Variants in RIPOR2 observed in about 807,000 individuals in gnomAD.
RIPOR2 encodes the protein rho family-interacting cell polarization regulator 2.
Under a neutral mutation model 114.5 loss-of-function variants are expected in RIPOR2, and 39 were observed. The observed-to-expected ratio is 0.34, with a 90% CI of 0.26 to 0.44. The LOEUF (loss-of-function observed/expected upper bound fraction) is 0.44. Ranked by LOEUF, RIPOR2 falls within the 20% of genes least tolerant of loss-of-function variation. RIPOR2 has a pLI of 1.00. For missense variants in RIPOR2, 1,007 were observed against 1,255.1 expected (o/e 0.80, Z 2.99); for synonymous variants, 445 against 484.4 (o/e 0.92, Z 1.07).
chr6:24,874,981 A>G (rs1025226299), intron 2 of RIPOR2, among the ~76,000 whole-genome samples: 1 of 152,226 alleles, frequency 6.6e-6, no homozygotes, highest in African/African-American at 2.4e-5. Flanking sequence ...TAGGAGATGC[A>G]GAGGCTAGGC....
chr6:24,897,483 G>C (rs1458111071), intron 1 of RIPOR2, among the ~76,000 whole-genome samples: 1 of 152,170 alleles, frequency 6.6e-6, no homozygotes, highest in East Asian at 1.9e-4. Context: ...TTGGATTCCG[G>C]ATTACACTGT....
chr6:24,909,889 T>G (rs74785069), intron 1 of RIPOR2, among the ~76,000 whole-genome samples: 12 of 152,268 alleles, frequency 7.9e-5, no homozygotes, highest in African/African-American at 2.6e-4. Flanking sequence ...CCCAGCAGAA[T>G]CAGCCCGGTT....
At chr6:24,896,969 C>A (rs1414235768) in intron 1 of RIPOR2, among the ~76,000 whole-genome samples, 1 of 152,142 alleles carries the variant, frequency 6.6e-6, no homozygotes, top group African/African-American at 2.4e-5. Context: ...GGGTATTTTA[C>A]CACCAGAAGG....
chr6:24,873,760 C>T lies in RIPOR2; in HGVS notation c.228G>A (p.Lys76=), dbSNP rs374087136. The T allele has an allele frequency of 6.2e-6, 10 of 1,612,852 alleles. No individual in the cohort carries two copies. The East Asian group carries it at 8.9e-5, about 14-fold the overall frequency. The change falls in exon 3 of 22, where the codon AAG becomes AAA. Residue 76 remains lysine, a synonymous_variant. Coordinates refer to ENST00000643898, the MANE Select transcript of RIPOR2 (RefSeq NM_001286445.3). ...SFIENSSALK[K]PQAKLKKMHN... ...GCATTTTCTTCAGTTTGGCCTGAGG[C>T]TTCTTGAGAGCGGAGGAATTTTCAA...
chr6:25,005,738 T>TATATATATATATATATATATATACAC (rs34572978), intron 1 of RIPOR2, among the ~76,000 whole-genome samples: 1 of 70,700 alleles, frequency 1.4e-5, no homozygotes, highest in Non-Finnish European at 3.3e-5. Flanking sequence ...TATATATATA[T>TATATATATATATATATATATATACAC]ATACATTTAC....
intron 19 of RIPOR2, among the ~76,000 whole-genome samples, 184 bp from the exon 20 acceptor site, chr6:24,818,809 A>G (rs1179215893): frequency 6.6e-6 from 1 of 151,874 alleles, no homozygotes; most frequent in Non-Finnish European, 1.5e-5. Flanking sequence ...TATTCAATAA[A>G]TTGATCCCTT....
intron 1 of RIPOR2, among the ~76,000 whole-genome samples, 194 bp downstream of exon 1, chr6:24,935,644 C>T (rs1771755438): frequency 6.6e-6 from 1 of 152,164 alleles, no homozygotes; most frequent in Non-Finnish European, 1.5e-5. Context: ...TGACTCAACC[C>T]CTTGTTCCAC....
chr6:24,957,882 C>CA (rs1357230265), intron 1 of RIPOR2, among the ~76,000 whole-genome samples: 1 of 151,970 alleles, frequency 6.6e-6, no homozygotes, highest in African/African-American at 2.4e-5. Context: ...TCTCAAAAAA[C>CA]AAAAAAGCAA....
intron 8 of RIPOR2, among the ~76,000 whole-genome samples, chr6:24,860,241 T>C (rs969174969): frequency 2.6e-5 from 4 of 152,094 alleles, no homozygotes; most frequent in African/African-American, 9.7e-5. Flanking sequence ...AGGAAGAATT[T>C]AAAGATCACC....
chr6:24,985,842 T>C (rs1185248630), intron 1 of RIPOR2, among the ~76,000 whole-genome samples: 1 of 152,064 alleles, frequency 6.6e-6, no homozygotes, highest in Admixed American at 6.6e-5. Flanking sequence ...TTTTATATGA[T>C]TTGGAGTGGT....
chr6:24,954,514 G>A (rs1030000550), intron 1 of RIPOR2, among the ~76,000 whole-genome samples: 23 of 143,850 alleles, frequency 1.6e-4, no homozygotes, highest in Non-Finnish European at 3.0e-4. Context: ...GGAATGCAGT[G>A]GTGTTATCAT....
At chr6:25,008,651 A>G (rs1477458039) in intron 1 of RIPOR2, among the ~76,000 whole-genome samples, 1 of 152,250 alleles carries the variant, frequency 6.6e-6, no homozygotes, top group Non-Finnish European at 1.5e-5. Context: ...TACAGTAGCA[A>G]TAGGACACCA....
At chr6:24,961,319 C>T (rs548379497) in intron 1 of RIPOR2, among the ~76,000 whole-genome samples, 31 of 152,230 alleles carry the variant, frequency 2.0e-4, no homozygotes, top group African/African-American at 6.7e-4. Context: ...GTTGGGGGAA[C>T]ATTGTGTGAA....
chr6:24,905,306 G>A (rs1042502930), intron 1 of RIPOR2, among the ~76,000 whole-genome samples: 1 of 151,802 alleles, frequency 6.6e-6, no homozygotes, highest in Non-Finnish European at 1.5e-5. Context: ...TGAAATGTTG[G>A]ATCACCTGTG....
chr6:24,992,111 G>A (rs547816648), intron 1 of RIPOR2, among the ~76,000 whole-genome samples: 7 of 152,292 alleles, frequency 4.6e-5, no homozygotes, highest in African/African-American at 1.7e-4. Context: ...AAGAATCTGT[G>A]CACTGAGTTA....
At chr6:24,865,242 C>T in intron 7 of RIPOR2, 59 bp downstream of exon 7, 1 of 1,448,574 alleles carries the variant, frequency 6.9e-7, no homozygotes, top group East Asian at 2.5e-5. Context: ...TGGCAATTAC[C>T]AACAATTCAC....
chr6:24,854,461 T>A (rs2113798259), intron 8 of RIPOR2, among the ~76,000 whole-genome samples: 1 of 152,334 alleles, frequency 6.6e-6, no homozygotes, highest in South Asian at 2.1e-4. Flanking sequence ...GACGAAGGCA[T>A]GCTAGTCACA....
At chr6:24,878,100 A>G (rs1581689612) in intron 1 of RIPOR2, among the ~76,000 whole-genome samples, 1 of 152,242 alleles carries the variant, frequency 6.6e-6, no homozygotes, top group Non-Finnish European at 1.5e-5. Flanking sequence ...GAAGAGAACC[A>G]GAAAGTTAAA....
At chr6:24,906,844 G>T (rs1386322255) in intron 1 of RIPOR2, among the ~76,000 whole-genome samples, 1 of 151,762 alleles carries the variant, frequency 6.6e-6, no homozygotes, top group East Asian at 1.9e-4. Flanking sequence ...TCACCATGTT[G>T]CCCAGGCTGG....
Sources: allele counts gnomAD v4.1 joint callset (sites outside exome capture counted in the v4.1 genomes callset), GRCh38; gene constraint gnomAD v4.1.1; transcripts MANE v1.5; gene names NCBI Gene and HGNC (gene_info 2026-07-23, HGNC 2026-07-21).